TNFRSF8: variants seen among roughly 807,000 people sequenced by gnomAD.
The protein encoded by TNFRSF8 is TNF receptor superfamily member 8.
A neutral mutation model predicts 70.8 loss-of-function variants in TNFRSF8; 26 were observed. The observed-to-expected ratio is 0.37, with a 90% CI of 0.27 to 0.51. The LOEUF (loss-of-function observed/expected upper bound fraction) is 0.51, where lower values mean the gene tolerates loss of function less well. Among genes scored for constraint, TNFRSF8 ranks in the 20% least tolerant of loss-of-function variants. The pLI, the probability that TNFRSF8 is intolerant of heterozygous loss-of-function variation, is 0.94. For synonymous variants in TNFRSF8, 356 were observed against 339.2 expected, an observed-to-expected ratio of 1.05 and a Z score of -0.54; for missense variants, 720 against 807.9, an observed-to-expected ratio of 0.89 and a Z score of 1.32.
intron 12 of TNFRSF8, among the ~76,000 whole-genome samples, chr1:12,129,983 C>T (rs893846983): frequency 1.4e-4 from 21 of 151,958 alleles, no homozygotes; most frequent in African/African-American, 5.1e-4. Context: ...CGGCTTACTG[C>T]AACCCCCGCC....
At position 12,088,502 on chromosome 1, in the gene TNFRSF8, G is replaced by A. The variant is rs113979623; in HGVS notation, c.151+3951G>A. Among the ~76,000 whole-genome samples, 3 of 152,064 alleles carry A rather than the reference G, an allele frequency of 2.0e-5. No individual in the cohort carries two copies. Among genetic ancestry groups the A allele is most frequent in the African/African-American group, 7.2e-5 (3 of 41,418 alleles). On this transcript the variant is annotated intron_variant, in intron 2 of 14. Coordinates refer to ENST00000263932, the MANE Select transcript of TNFRSF8 (RefSeq NM_001243.5). The surrounding 1 kb of genome is among the most constrained non-coding windows in gnomAD (Gnocchi z 4.0). ...AGTTGATACTGACCCTCAAGGCCTC[G>A]AATTTGGGAGGCAGAAGAGTTTACG...
intron 1 of TNFRSF8, among the ~76,000 whole-genome samples, chr1:12,079,087 G>A (rs867913804): frequency 6.0e-4 from 91 of 152,308 alleles, no homozygotes; most frequent in African/African-American, 2.1e-3. Context: ...CGGGGATTTT[G>A]CATTTGATCT....
rs746741483 is a variant in TNFRSF8, at chr1:12,109,648, A to G, written c.504A>G (p.Glu168=). Residue 168 remains glutamate (E), a synonymous_variant, in exon 5 of 15, where the codon GAA becomes GAG. Coordinates refer to ENST00000263932, the MANE Select transcript of TNFRSF8 (RefSeq NM_001243.5). The surrounding 1 kb of genome is among the most constrained non-coding windows in gnomAD (Gnocchi z 4.4). The part of the protein sequence containing the change: ...PACASPENCK[E]PSSGTIPQAK... ...GTGCCAGCCCAGAGAACTGCAAGGA[A>G]CCCTCCAGGTGACTCCCTGGCTTTG... 1.2e-6 allele frequency: 2 copies of G among 1,613,332 alleles called. No individual in the cohort carries two copies. Among genetic ancestry groups the G allele is most frequent in the Admixed American group, 3.3e-5 (2 of 59,976 alleles).
chr1:12,074,789 GT>G (rs1640909496), intron 1 of TNFRSF8, among the ~76,000 whole-genome samples: 1 of 151,968 alleles, frequency 6.6e-6, no homozygotes, highest in African/African-American at 2.4e-5. Flanking sequence ...GTGTTTGTTT[GT>G]TTGTTTATTT....
chr1:12,088,162 C>T lies in TNFRSF8; in HGVS notation c.151+3611C>T, dbSNP rs979060265. 4.6e-5 allele frequency among the ~76,000 whole-genome samples: 7 copies of T among 152,044 alleles called. No homozygotes were observed. Among genetic ancestry groups the T allele is most frequent in the South Asian group, 2.1e-4 (1 of 4,826 alleles). ...GATGTCATCGAATCCCTCCTTGCAC[C>T]CAGGCCTGTGATGCCCTCTCCAGCA... is the stretch of plus-strand genomic sequence containing the variant. On this transcript the variant is annotated intron_variant, in intron 2 of 14. Transcript: ENST00000263932. This position sits in a 1 kb window ranked among gnomAD's most constrained non-coding sequence, Gnocchi z 4.0.
rs753269471 is a variant in TNFRSF8, at chr1:12,110,162, C to G, written c.634C>G (p.Pro212Ala). ...AGCTGCTTCTAAACTGACGAGGGCTCCCGACTCTCCCTCCTCTGTGGGAAG... is the reference window on the plus strand; with the variant it reads ...AGCTGCTTCTAAACTGACGAGGGCTGCCGACTCTCCCTCCTCTGTGGGAAG... The part of the protein sequence containing the change: ...QEAASKLTRA[P>A]DSPSSVGRPS... Residue 212 changes from proline (P) to alanine (A), a missense_variant, in exon 6 of 15, where the codon CCC (proline) becomes GCC (alanine). Physicochemically the swap from Pro to Ala is conservative, Grantham distance 27 (BLOSUM62 -1). Transcript: ENST00000263932. This position sits in a 1 kb window ranked among gnomAD's most constrained non-coding sequence, Gnocchi z 4.0. The G allele has an allele frequency of 6.2e-7, 1 of 1,611,154 alleles. No homozygotes were observed. The highest frequency in any genetic ancestry group is 8.5e-7 in the Non-Finnish European group (1 of 1,178,540).
chr1:12,129,533 G>T (rs1642007262), intron 12 of TNFRSF8, among the ~76,000 whole-genome samples: 1 of 152,208 alleles, frequency 6.6e-6, no homozygotes, highest in South Asian at 2.1e-4. Context: ...GGTTTCTCGA[G>T]TCTCCTTCTG....
Position 12,108,873 on chromosome 1 carries a change from G to A in TNFRSF8, c.422-693G>A, listed in dbSNP as rs150099469. 8.2e-4 allele frequency among the ~76,000 whole-genome samples: 125 copies of A among 152,254 alleles called. No individual in the cohort carries two copies. The highest frequency in any genetic ancestry group is 2.8e-3 in the African/African-American group (118 of 41,556). ...TCCTGGCACAGTTAGGACATAGCAGGCAAACTGAGGGGCACTGGCTAGACG... is the reference window on the plus strand; with the variant it reads ...TCCTGGCACAGTTAGGACATAGCAGACAAACTGAGGGGCACTGGCTAGACG... On this transcript the variant is annotated intron_variant, in intron 4 of 14. Coordinates refer to ENST00000263932, the MANE Select transcript of TNFRSF8 (RefSeq NM_001243.5). This position sits in a 1 kb window ranked among gnomAD's most constrained non-coding sequence, Gnocchi z 4.0.
At chr1:12,125,490 G>T (rs1641921496) in intron 10 of TNFRSF8, among the ~76,000 whole-genome samples, 1 of 152,172 alleles carries the variant, frequency 6.6e-6, no homozygotes, top group African/African-American at 2.4e-5. Flanking sequence ...GTGTGTTTAT[G>T]TGCAGTGGGG....
chr1:12,142,590 G>A lies in TNFRSF8; in HGVS notation c.*59G>A. The A allele has an allele frequency of 6.6e-7, 1 of 1,525,314 alleles. No homozygotes were observed. The highest frequency in any genetic ancestry group is 1.4e-5 in the African/African-American group (1 of 72,526). The allele number at this position is 1,525,314 out of a possible 1,614,324, so 94.5% of individuals were successfully genotyped here. A position where few individuals can be genotyped will look rare whatever the true frequency, so the allele number is the denominator to read the frequency against. ...GGGTGGCCTCTGGGAGGCCAGGATG[G>A]CACTGTTGGCACCGAGGTTGGGGGC... is the stretch of plus-strand genomic sequence containing the variant. On this transcript the variant is annotated 3_prime_UTR_variant, in exon 15 of 15. Coordinates refer to ENST00000263932, the MANE Select transcript of TNFRSF8 (RefSeq NM_001243.5). This position sits in a 1 kb window ranked among gnomAD's most constrained non-coding sequence, Gnocchi z 5.0.
At chr1:12,068,352 A>G (rs1270961035) in intron 1 of TNFRSF8, among the ~76,000 whole-genome samples, 1 of 152,170 alleles carries the variant, frequency 6.6e-6, no homozygotes, top group Non-Finnish European at 1.5e-5. Flanking sequence ...TTCACAGACA[A>G]GGATTCAGTG....
rs534035044 is a variant in TNFRSF8, at chr1:12,108,086, T to A, written c.422-1480T>A. On this transcript the variant is annotated intron_variant, in intron 4 of 14. Transcript: ENST00000263932. The surrounding 1 kb of genome is among the most constrained non-coding windows in gnomAD (Gnocchi z 4.0). ...CATACAGGCCACCATTTTTTTATTT[T>A]TTTTTTTTTTGTGATGGAGCCTCGA... Among the ~76,000 whole-genome samples, 49 of 151,280 alleles carry A rather than the reference T, an allele frequency of 3.2e-4. No homozygotes were observed. The South Asian group carries it at 5.7e-3, about 18-fold the overall frequency.
intron 6 of TNFRSF8, among the ~76,000 whole-genome samples, chr1:12,111,035 T>A (rs1641620812): frequency 2.6e-5 from 4 of 152,250 alleles, no homozygotes; most frequent in Admixed American, 2.6e-4. Flanking sequence ...TGCGTGTATG[T>A]GCTTTCCTTT....
At chr1:12,126,115 G>T in intron 11 of TNFRSF8, 63 bp downstream of exon 11, 1 of 1,613,052 alleles carries the variant, frequency 6.2e-7, no homozygotes, top group South Asian at 1.1e-5. Context: ...CCTGGCCTGG[G>T]TTCTTTCCCT....
At chr1:12,104,267 A>G (rs1335911168) in intron 3 of TNFRSF8, 112 bp from the exon 4 acceptor site, 5 of 1,133,656 alleles carry the variant, frequency 4.4e-6, no homozygotes, top group East Asian at 4.8e-5. Flanking sequence ...TTGAGCTGGG[A>G]GGCGGAGGCT....
intron 2 of TNFRSF8, among the ~76,000 whole-genome samples, chr1:12,091,382 A>C (rs575074097): frequency 1.4e-4 from 22 of 152,304 alleles, no homozygotes; most frequent in Admixed American, 7.8e-4. Context: ...TCTGGGAGCC[A>C]GTGCAGAACA....
Position 12,108,543 on chromosome 1 carries a change from G to A in TNFRSF8, c.422-1023G>A, listed in dbSNP as rs576619997. On this transcript the variant is annotated intron_variant, in intron 4 of 14. Coordinates refer to ENST00000263932, the MANE Select transcript of TNFRSF8 (RefSeq NM_001243.5). The surrounding 1 kb of genome is among the most constrained non-coding windows in gnomAD (Gnocchi z 4.0). ...ATGATTATAGTCATTTGACTGGGCT[G>A]GGCACGGCAGCTTATGCCTGAAATC... Among the ~76,000 whole-genome samples the A allele has an allele frequency of 6.6e-6, 1 of 152,314 alleles. No individual in the cohort carries two copies. The highest frequency in any genetic ancestry group is 2.4e-5 in the African/African-American group (1 of 41,564).
intron 4 of TNFRSF8, among the ~76,000 whole-genome samples, 183 bp downstream of exon 4, chr1:12,104,714 C>A (rs114687887): frequency 0.01 from 1,569 of 152,330 alleles, 25 homozygotes; most frequent in African/African-American, 0.036. Context: ...TGCCCTCCCC[C>A]ACCTTGTGTT....
chr1:12,063,902 A>G lies in TNFRSF8; in HGVS notation c.63+241A>G, dbSNP rs1054940689. Among the ~76,000 whole-genome samples, 3 of 152,180 alleles carry G rather than the reference A, an allele frequency of 2.0e-5. No homozygotes were observed. The highest frequency in any genetic ancestry group is 4.4e-5 in the Non-Finnish European group (3 of 68,030). On this transcript the variant is annotated intron_variant, in intron 1 of 14. Transcript: ENST00000263932. The surrounding 1 kb of genome is among the most constrained non-coding windows in gnomAD (Gnocchi z 7.2). Reference sequence around the variant, plus strand: ...CGCGATGGCTGGGACTGATTCATTCATTCAGTGTGAATTGGACTGAGAGCA... The same window carrying G: ...CGCGATGGCTGGGACTGATTCATTCGTTCAGTGTGAATTGGACTGAGAGCA...
Sources: allele counts gnomAD v4.1 joint callset (sites outside exome capture counted in the v4.1 genomes callset), GRCh38; gene constraint gnomAD v4.1.1; non-coding constraint Gnocchi (gnomAD v3.1); transcripts MANE v1.5; gene names NCBI Gene and HGNC (gene_info 2026-07-23, HGNC 2026-07-21).